Variants in ATP8A1 observed in about 807,000 individuals in gnomAD.
ATP8A1 encodes phospholipid-transporting ATPase IA.
In ATP8A1, 90 loss-of-function variants were observed where a neutral mutation model predicts 177.7. That is an observed-to-expected ratio of 0.51 (90% confidence interval 0.43 to 0.60). ATP8A1 has a LOEUF of 0.60. Among genes scored for constraint, ATP8A1 ranks in the 20% least tolerant of loss-of-function variants. The pLI is 0.00. For synonymous variants in ATP8A1, 493 were observed against 485.9 expected, an observed-to-expected ratio of 1.01 and a Z score of -0.19; for missense variants, 1,072 against 1,392.8, an observed-to-expected ratio of 0.77 and a Z score of 3.67.
At chr4:42,569,867 A>C (rs1226340130) in intron 14 of ATP8A1, among the ~76,000 whole-genome samples, 2 of 152,220 alleles carry the variant, frequency 1.3e-5, no homozygotes, top group Non-Finnish European at 2.9e-5. Context: ...GAACACTAGG[A>C]AAGTCTGATA....
chr4:42,448,392 C>CTTTTTTTT (rs1577952776), intron 30 of ATP8A1, among the ~76,000 whole-genome samples: 2 of 19,934 alleles, frequency 1.0e-4, no homozygotes, highest in East Asian at 2.4e-3. Context: ...CCCTCCTTCT[C>CTTTTTTTT]TTTCTTTTCT....
intron 36 of ATP8A1, 42 bp from the exon 37 acceptor site, chr4:42,413,055 G>A (rs763004872): frequency 1.1e-5 from 16 of 1,520,228 alleles, no homozygotes; most frequent in African/African-American, 1.4e-5. Flanking sequence ...CAAAGGCACT[G>A]GAAACCACCG....
intron 8 of ATP8A1, among the ~76,000 whole-genome samples, chr4:42,586,885 T>C (rs2109357491): frequency 6.6e-6 from 1 of 152,346 alleles, no homozygotes; most frequent in East Asian, 1.9e-4. Flanking sequence ...TCTCTTTTTT[T>C]ATTCCAGAGA....
At chr4:42,596,873 T>G (rs1734772509) in intron 6 of ATP8A1, among the ~76,000 whole-genome samples, 2 of 152,290 alleles carry the variant, frequency 1.3e-5, no homozygotes, top group African/African-American at 4.8e-5. Context: ...CAGTGTTAGC[T>G]GCACCTCATT....
At chr4:42,619,027 T>C (rs941871107) in intron 4 of ATP8A1, among the ~76,000 whole-genome samples, 1 of 152,008 alleles carries the variant, frequency 6.6e-6, no homozygotes, top group East Asian at 1.9e-4. Flanking sequence ...CATCATTTAA[T>C]TCTCATTAAT....
intron 25 of ATP8A1, among the ~76,000 whole-genome samples, chr4:42,481,147 T>C (rs1358194198): frequency 6.6e-6 from 1 of 152,156 alleles, no homozygotes; most frequent in Admixed American, 6.5e-5. Flanking sequence ...CTGGAGGGAA[T>C]ATTAAAAGAG....
rs560701515 is a variant in ATP8A1, at chr4:42,595,345, G to A, written c.451-4461C>T. ...ATTACTGCAGAGGCAGCCCACTGCA[G>A]TCTATTATTTACCAAAAGAAGAGGT... is the stretch of plus-strand genomic sequence containing the variant. On this transcript the variant is annotated intron_variant, in intron 6 of 36. Coordinates refer to ENST00000381668, the MANE Select transcript of ATP8A1 (RefSeq NM_006095.2). Among the ~76,000 whole-genome samples the A allele has an allele frequency of 2.1e-4, 32 of 152,246 alleles. 1 individual carries two copies. The highest frequency in any genetic ancestry group is 1.9e-4 in the East Asian group (1 of 5,186).
intron 12 of ATP8A1, among the ~76,000 whole-genome samples, chr4:42,577,625 ATAAAAC>A (rs892906133): frequency 6.6e-6 from 1 of 152,162 alleles, no homozygotes; most frequent in African/African-American, 2.4e-5. Flanking sequence ...TTTAATAAAA[ATAAAAC>A]TAAGACATTT....
chr4:42,459,859 T>C (rs1403780605), intron 27 of ATP8A1, among the ~76,000 whole-genome samples: 2 of 152,078 alleles, frequency 1.3e-5, no homozygotes, highest in Admixed American at 6.5e-5. Flanking sequence ...GCGCGTGGTC[T>C]CTGCTCACTG....
intron 23 of ATP8A1, among the ~76,000 whole-genome samples, chr4:42,505,854 A>G (rs943040747): frequency 6.6e-6 from 1 of 152,218 alleles, no homozygotes; most frequent in Non-Finnish European, 1.5e-5. Flanking sequence ...TATGATTACT[A>G]TCAAGAGGAT....
At position 42,581,729 on chromosome 4, in the gene ATP8A1, G is replaced by A. The variant is rs775547433; in HGVS notation, c.726C>T (p.Thr242=). The change falls in exon 10 of 37, where the codon ACC becomes ACT. Residue 242 remains threonine, a synonymous_variant. Transcript: ENST00000381668. ...GAATCTGATCTGCTCCCAGTGGAAC[G>A]GTGCTAGGACAGATTACGTTGACAT... ...VGNIRLDGHG[T]VPLGADQILL... The A allele has an allele frequency of 7.4e-6, 12 of 1,611,244 alleles. No homozygotes were observed. The highest frequency in any genetic ancestry group is 2.2e-5 in the South Asian group (2 of 91,032).
chr4:42,477,626 A>G (rs1487879135), intron 25 of ATP8A1, among the ~76,000 whole-genome samples: 2 of 152,150 alleles, frequency 1.3e-5, no homozygotes, highest in Non-Finnish European at 2.9e-5. Flanking sequence ...CTATGAGAAG[A>G]GATAAATAAA....
chr4:42,426,615 T>C (rs892930461), intron 33 of ATP8A1, among the ~76,000 whole-genome samples: 3 of 152,388 alleles, frequency 2.0e-5, no homozygotes, highest in South Asian at 2.1e-4. Context: ...CTGCATAACA[T>C]TGATTATTAA....
At chr4:42,484,013 A>G (rs996968967) in intron 25 of ATP8A1, among the ~76,000 whole-genome samples, 2 of 152,234 alleles carry the variant, frequency 1.3e-5, no homozygotes, top group East Asian at 3.8e-4. Context: ...GCCAGCAATC[A>G]TAACACTTGT....
chr4:42,602,884 T>C (rs1735437860), intron 5 of ATP8A1, among the ~76,000 whole-genome samples: 2 of 152,116 alleles, frequency 1.3e-5, no homozygotes, highest in East Asian at 1.9e-4. Flanking sequence ...CAAAGAGAGA[T>C]GGTAAAGTCC....
chr4:42,628,473 G>A (rs961189380), intron 1 of ATP8A1, among the ~76,000 whole-genome samples: 1 of 152,038 alleles, frequency 6.6e-6, no homozygotes, highest in Non-Finnish European at 1.5e-5. Flanking sequence ...AGGACCCTGC[G>A]CTCTGCTTGG....
At chr4:42,451,005 T>G (rs1717872887) in intron 30 of ATP8A1, among the ~76,000 whole-genome samples, 1 of 152,156 alleles carries the variant, frequency 6.6e-6, no homozygotes, top group Non-Finnish European at 1.5e-5. Context: ...AGCACAGACC[T>G]GAGGCATCGG....
At chr4:42,502,608 T>C (rs990017981) in intron 24 of ATP8A1, among the ~76,000 whole-genome samples, 16 of 152,188 alleles carry the variant, frequency 1.1e-4, no homozygotes, top group Admixed American at 7.9e-4. Flanking sequence ...TCTGATTTCC[T>C]TCAGGTATTA....
chr4:42,648,355 G>A (rs1443707202), intron 1 of ATP8A1, among the ~76,000 whole-genome samples: 1 of 151,728 alleles, frequency 6.6e-6, no homozygotes, highest in Admixed American at 6.6e-5. Flanking sequence ...ATAAAGAGAG[G>A]TGGCGGCGGG....
Sources: gnomAD v4.1 joint callset for allele counts (sites outside exome capture counted in the v4.1 genomes callset) on GRCh38, gnomAD v4.1.1 for gene constraint, MANE v1.5 for transcripts, NCBI Gene and HGNC (gene_info 2026-07-23, HGNC 2026-07-21) for gene names.